The following ERC1 variants were observed in gnomAD, a reference collection of about 807,000 sequenced individuals.
ERC1 encodes the protein RAB6 interacting protein 2.
A neutral mutation model predicts 132.0 loss-of-function variants in ERC1; 56 were observed. The ratio of observed to expected loss-of-function variants is 0.42; its 90% CI spans 0.34 to 0.53. ERC1 has a LOEUF of 0.53. Ranked by LOEUF, ERC1 falls within the 20% of genes least tolerant of loss-of-function variation. The pLI is 0.03. For missense variants in ERC1, 1,202 were observed against 1,349.9 expected (o/e 0.89, Z 1.72); for synonymous variants, 478 against 476.1 (o/e 1.00, Z -0.05).
chr12:1,109,529 G>T (rs1211118512), intron 4 of ERC1, among the ~76,000 whole-genome samples: 1 of 152,054 alleles, frequency 6.6e-6, no homozygotes, highest in African/African-American at 2.4e-5. Context: ...ACTAGAAAAG[G>T]CTTTACTATT....
intron 17 of ERC1, among the ~76,000 whole-genome samples, chr12:1,424,793 TGATAGATAGATAGATAGATAGATAGATA>T (rs139054161): frequency 9.1e-6 from 1 of 110,092 alleles, no homozygotes; most frequent in Non-Finnish European, 1.9e-5. Context: ...GAGCTTGAGA[TGATAGATAGATAGATAGATAGATAGATA>T]GATAGATAGA....
intron 16 of ERC1, among the ~76,000 whole-genome samples, chr12:1,394,052 GC>G: frequency 9.0e-6 from 1 of 110,702 alleles, no homozygotes; most frequent in Non-Finnish European, 1.9e-5. Flanking sequence ...AAACCACAAA[GC>G]ATTAAGCAAT....
intron 16 of ERC1, among the ~76,000 whole-genome samples, chr12:1,375,286 G>C (rs899223801): frequency 1.3e-4 from 20 of 152,144 alleles, no homozygotes; most frequent in African/African-American, 4.1e-4. Context: ...GAGCGATCAA[G>C]CGAGGAACTG....
intron 17 of ERC1, among the ~76,000 whole-genome samples, chr12:1,426,602 A>G (rs150504705): frequency 2.0e-5 from 3 of 152,306 alleles, no homozygotes; most frequent in Non-Finnish European, 4.4e-5. Context: ...GCTCTAGACT[A>G]TACAGCTTTT....
intron 18 of ERC1, among the ~76,000 whole-genome samples, chr12:1,488,157 A>AG (rs1422369448): frequency 1.7e-4 from 25 of 151,418 alleles, no homozygotes; most frequent in African/African-American, 5.6e-4. Context: ...AAAAAAAAAA[A>AG]AAAAAGATAG....
At chr12:1,471,543 T>C (rs1334229936) in intron 18 of ERC1, among the ~76,000 whole-genome samples, 1 of 152,254 alleles carries the variant, frequency 6.6e-6, no homozygotes, top group Non-Finnish European at 1.5e-5. Context: ...TTGTATCTAT[T>C]GTAGTGCGTG....
intron 8 of ERC1, among the ~76,000 whole-genome samples, chr12:1,149,159 A>T (rs1323007486): frequency 6.6e-6 from 1 of 152,094 alleles, no homozygotes; most frequent in Admixed American, 6.5e-5. Flanking sequence ...TAAAAATTAT[A>T]TAAAAATAAC....
At chr12:1,400,460 C>T (rs942995682) in intron 16 of ERC1, among the ~76,000 whole-genome samples, 26 of 151,826 alleles carry the variant, frequency 1.7e-4, no homozygotes, top group African/African-American at 4.8e-4. Context: ...TTGCCGCTTT[C>T]GCTCTTTGGG....
intron 1 of ERC1, among the ~76,000 whole-genome samples, chr12:1,016,640 T>C (rs891504977): frequency 1.2e-4 from 18 of 150,990 alleles, no homozygotes; most frequent in East Asian, 3.9e-4. Context: ...CTTTTCTTTT[T>C]TTTTTTTTTT....
chr12:1,231,140 A>T, intron 12 of ERC1, among the ~76,000 whole-genome samples: 1 of 136,854 alleles, frequency 7.3e-6, no homozygotes, highest in Non-Finnish European at 1.6e-5. Flanking sequence ...TTCCTTTCTG[A>T]TTTGATTTTT....
At chr12:1,098,903 A>G (rs1362376075) in intron 3 of ERC1, among the ~76,000 whole-genome samples, 2 of 152,218 alleles carry the variant, frequency 1.3e-5, no homozygotes, top group Non-Finnish European at 2.9e-5. Flanking sequence ...CTGATTTAGA[A>G]GGAAGAACCT....
At chr12:1,396,820 G>A (rs1270222140) in intron 16 of ERC1, among the ~76,000 whole-genome samples, 1 of 152,128 alleles carries the variant, frequency 6.6e-6, no homozygotes. Flanking sequence ...ACAAGAGGTG[G>A]GGAGTTGGAA....
At chr12:1,051,166 C>T (rs1971890932) in intron 2 of ERC1, among the ~76,000 whole-genome samples, 1 of 152,166 alleles carries the variant, frequency 6.6e-6, no homozygotes, top group African/African-American at 2.4e-5. Context: ...GCTACTGTTG[C>T]ACACTTGGAA....
intron 15 of ERC1, among the ~76,000 whole-genome samples, chr12:1,319,922 G>T (rs80124846): frequency 0.025 from 3,838 of 152,084 alleles, 72 homozygotes; most frequent in South Asian, 0.08. Context: ...CAGGGGGGCG[G>T]CTTCTTATTT....
chr12:1,379,888 C>A (rs1414852293), intron 16 of ERC1, among the ~76,000 whole-genome samples: 6 of 152,138 alleles, frequency 3.9e-5, no homozygotes, highest in Non-Finnish European at 8.8e-5. Flanking sequence ...GATGCGAATA[C>A]CTGGAGACAG....
intron 15 of ERC1, among the ~76,000 whole-genome samples, chr12:1,343,640 G>T (rs1044957130): frequency 6.6e-6 from 1 of 152,030 alleles, no homozygotes; most frequent in African/African-American, 2.4e-5. Context: ...TATCCTTTCG[G>T]AACATCTGTG....
chr12:1,455,776 C>A (rs2093520253), intron 18 of ERC1, among the ~76,000 whole-genome samples: 1 of 152,198 alleles, frequency 6.6e-6, no homozygotes, highest in African/African-American at 2.4e-5. Context: ...TTCAAAATTT[C>A]AAACTTTTTC....
chr12:1,046,760 G>A (rs1373631072), intron 2 of ERC1, among the ~76,000 whole-genome samples: 1 of 152,168 alleles, frequency 6.6e-6, no homozygotes, highest in African/African-American at 2.4e-5. Flanking sequence ...GTTTATTGAA[G>A]TGGAAACTGA....
intron 13 of ERC1, among the ~76,000 whole-genome samples, chr12:1,260,728 G>A (rs558002125): frequency 1.1e-4 from 16 of 152,130 alleles, no homozygotes; most frequent in Non-Finnish European, 1.8e-4. Flanking sequence ...GATATTTGCC[G>A]TCTTCTTTCT....
Sources: allele counts gnomAD v4.1 joint callset (sites outside exome capture counted in the v4.1 genomes callset), GRCh38; gene constraint gnomAD v4.1.1; transcripts MANE v1.5; gene names NCBI Gene and HGNC (gene_info 2026-07-23, HGNC 2026-07-21).